The following SGMS1 variants were observed in gnomAD, a reference collection of about 807,000 sequenced individuals.
SGMS1 encodes phosphatidylcholine:ceramide cholinephosphotransferase 1.
In SGMS1, 13 loss-of-function variants were observed where a neutral mutation model predicts 46.2. The ratio of observed to expected loss-of-function variants is 0.28; its 90% confidence interval spans 0.18 to 0.45. The LOEUF (loss-of-function observed/expected upper bound fraction) is 0.45. SGMS1 is among the 20% of genes least tolerant of loss of function. The pLI is 1.00. For missense variants in SGMS1, 324 were observed against 519.9 expected, an observed-to-expected ratio of 0.62 and a Z score of 3.66; for synonymous variants, 203 against 187.8, an observed-to-expected ratio of 1.08 and a Z score of -0.66.
intron 2 of SGMS1, among the ~76,000 whole-genome samples, chr10:50,555,181 T>C (rs1043895590): frequency 6.6e-6 from 1 of 152,186 alleles, no homozygotes; most frequent in African/African-American, 2.4e-5. Flanking sequence ...GAGACAAAAT[T>C]ATCTTGGAAC....
At chr10:50,565,821 C>G (rs1172549977) in intron 2 of SGMS1, among the ~76,000 whole-genome samples, 1 of 152,220 alleles carries the variant, frequency 6.6e-6, no homozygotes, top group African/African-American at 2.4e-5. Flanking sequence ...CTTCCTCCAT[C>G]CCCGGCACCC....
At chr10:50,396,670 T>C (rs941885211) in intron 6 of SGMS1, among the ~76,000 whole-genome samples, 2 of 152,160 alleles carry the variant, frequency 1.3e-5, no homozygotes, top group Admixed American at 6.5e-5. Context: ...AATGAGATAA[T>C]GAGCTGCAGA....
intron 2 of SGMS1, among the ~76,000 whole-genome samples, chr10:50,562,438 C>CA (rs1838248843): frequency 1.3e-5 from 2 of 152,130 alleles, no homozygotes; most frequent in South Asian, 4.1e-4. Flanking sequence ...ACCTTCCCCC[C>CA]ACCACCTCTC....
chr10:50,311,587 G>T (rs572908273), intron 8 of SGMS1, among the ~76,000 whole-genome samples, 172 bp from the exon 9 acceptor site: 2 of 152,098 alleles, frequency 1.3e-5, no homozygotes, highest in African/African-American at 4.8e-5. Context: ...CTTGGGGCGG[G>T]GGGGTGGGAT....
chr10:50,331,327 A>G (rs1589388433), intron 7 of SGMS1, among the ~76,000 whole-genome samples: 1 of 152,220 alleles, frequency 6.6e-6, no homozygotes, highest in Non-Finnish European at 1.5e-5. Flanking sequence ...GTTTAAGCTG[A>G]AATATAAACA....
chr10:50,327,373 T>C, intron 7 of SGMS1, 51 bp from the exon 8 acceptor site: 3 of 1,049,450 alleles, frequency 2.9e-6, no homozygotes, highest in Non-Finnish European at 4.4e-6. Context: ...ATTCTGTAGG[T>C]TCATTTACTG....
chr10:50,337,987 A>G (rs756190862), intron 7 of SGMS1, among the ~76,000 whole-genome samples: 1 of 152,188 alleles, frequency 6.6e-6, no homozygotes, highest in Non-Finnish European at 1.5e-5. Context: ...CAGAAAAGCC[A>G]TACTGGAAAG....
chr10:50,454,639 C>G (rs1837167814), intron 5 of SGMS1, among the ~76,000 whole-genome samples: 1 of 152,146 alleles, frequency 6.6e-6, no homozygotes, highest in African/African-American at 2.4e-5. Flanking sequence ...CTGGAAACTT[C>G]TTTTTATATG....
At chr10:50,326,591 C>A (rs560297042) in intron 8 of SGMS1, among the ~76,000 whole-genome samples, 1 of 152,152 alleles carries the variant, frequency 6.6e-6, no homozygotes, top group South Asian at 2.1e-4. Flanking sequence ...AGAGTTCCAA[C>A]GATCACCCTA....
At chr10:50,310,893 C>A (rs1238440331) in intron 9 of SGMS1, among the ~76,000 whole-genome samples, 2 of 152,206 alleles carry the variant, frequency 1.3e-5, no homozygotes, top group Non-Finnish European at 2.9e-5. Flanking sequence ...GTTGCTGCAT[C>A]AACACATAAT....
chr10:50,480,898 C>A (rs1022540132), intron 3 of SGMS1, among the ~76,000 whole-genome samples: 4 of 152,084 alleles, frequency 2.6e-5, no homozygotes, highest in Non-Finnish European at 5.9e-5. Flanking sequence ...TGTGGCAGAT[C>A]ATGGCCAGAC....
At chr10:50,533,333 T>C (rs1375571776) in intron 2 of SGMS1, among the ~76,000 whole-genome samples, 1 of 152,190 alleles carries the variant, frequency 6.6e-6, no homozygotes, top group East Asian at 1.9e-4. Flanking sequence ...AGGGTTTTTT[T>C]CCCCTTAATT....
At chr10:50,596,816 G>A (rs1168750958) in intron 1 of SGMS1, among the ~76,000 whole-genome samples, 1 of 152,156 alleles carries the variant, frequency 6.6e-6, no homozygotes, top group Non-Finnish European at 1.5e-5. Context: ...AACCCTGAGA[G>A]AACATATCAT....
chr10:50,625,063 C>G (rs1838909893), upstream of SGMS1: 2 of 995,152 alleles, frequency 2.0e-6, no homozygotes, highest in African/African-American at 3.5e-5. Context: ...ACTCTGGCCA[C>G]CGCTCGGCAC....
chr10:50,411,342 C>T (rs1156868965), intron 6 of SGMS1, among the ~76,000 whole-genome samples: 1 of 152,112 alleles, frequency 6.6e-6, no homozygotes, highest in Non-Finnish European at 1.5e-5. Flanking sequence ...TCCTTTATGT[C>T]TAGGACGTGT....
intron 1 of SGMS1, among the ~76,000 whole-genome samples, chr10:50,596,144 A>G (rs1426929433): frequency 6.6e-6 from 1 of 151,902 alleles, no homozygotes; most frequent in Non-Finnish European, 1.5e-5. Context: ...GGATGATTCA[A>G]TAATTTTTAA....
At chr10:50,401,154 A>G (rs958702628) in intron 6 of SGMS1, among the ~76,000 whole-genome samples, 2 of 152,184 alleles carry the variant, frequency 1.3e-5, no homozygotes, top group Non-Finnish European at 2.9e-5. Context: ...AATAATACAC[A>G]GCAAATTTCT....
chr10:50,372,509 A>G (rs935546614), intron 6 of SGMS1, among the ~76,000 whole-genome samples: 3 of 152,170 alleles, frequency 2.0e-5, no homozygotes, highest in African/African-American at 7.2e-5. Context: ...CCTGGCTAAC[A>G]TGGTGAAACG....
At chr10:50,594,305 T>C (rs1330276503) in intron 1 of SGMS1, among the ~76,000 whole-genome samples, 1 of 152,212 alleles carries the variant, frequency 6.6e-6, no homozygotes, top group African/African-American at 2.4e-5. Context: ...AAGTCAAATT[T>C]GATTTCTAGA....
Sources: gnomAD v4.1 joint callset for allele counts (sites outside exome capture counted in the v4.1 genomes callset) on GRCh38, gnomAD v4.1.1 for gene constraint, MANE v1.5 for transcripts, NCBI Gene and HGNC (gene_info 2026-07-23, HGNC 2026-07-21) for gene names.